Variants in SCAF8 observed in about 807,000 individuals in gnomAD.
SCAF8 encodes SR-related and CTD-associated factor 8.
A neutral mutation model predicts 140.5 loss-of-function variants in SCAF8; 23 were observed. The ratio of observed to expected loss-of-function variants is 0.16; its 90% CI spans 0.12 to 0.23. The LOEUF is 0.23. SCAF8 is among the 10% of genes least tolerant of loss of function. SCAF8 has a pLI of 1.00. For missense variants in SCAF8, 1,397 were observed against 1,555.7 expected (o/e 0.90, Z 1.72); for synonymous variants, 575 against 528.9 (o/e 1.09, Z -1.20).
intron 4 of SCAF8, among the ~76,000 whole-genome samples, chr6:154,789,266 A>T (rs1777342566): frequency 6.7e-6 from 1 of 149,290 alleles, no homozygotes; most frequent in Non-Finnish European, 1.5e-5. Flanking sequence ...CCGCCACCAC[A>T]CTCGGCTAAT....
intron 1 of SCAF8, among the ~76,000 whole-genome samples, chr6:154,767,163 C>G (rs1776599399): frequency 6.6e-6 from 1 of 152,100 alleles, no homozygotes; most frequent in South Asian, 2.1e-4. Context: ...ATTTTTCTTG[C>G]CCAGGCCTTC....
rs189166718 is a variant in SCAF8, at chr6:154,797,406, T to C, written c.606+2267T>C. Among the ~76,000 whole-genome samples, 28 of 151,614 alleles carry C rather than the reference T, an allele frequency of 1.8e-4. No homozygotes were observed. The East Asian group carries it at 3.5e-3, about 19-fold the overall frequency. On this transcript the variant is annotated intron_variant, in intron 6 of 19. Coordinates refer to ENST00000367178, the MANE Select transcript of SCAF8 (RefSeq NM_014892.5). ...ATTAATCTTTATCAGTGATTTTTTT[T>C]TTCTTTTGAGACGGAGTCTCGCTGT...
chr6:154,733,728 G>T lies in SCAF8; in HGVS notation c.-173G>T. ...CCGGTGCCGCTCTGCCGCTGAGGGA[G>T]CCCTTCCCCGCCAGCGCGTGCCCTT... On this transcript the variant is annotated 5_prime_UTR_variant, in exon 1 of 20. Transcript: ENST00000367178. The T allele has an allele frequency of 7.5e-7, 1 of 1,325,940 alleles. No individual in the cohort carries two copies. Among genetic ancestry groups the T allele is most frequent in the South Asian group, 2.0e-5 (1 of 49,778 alleles). 82.1% of individuals were successfully genotyped at this position (1,325,940 alleles called of 1,614,324 possible).
intron 6 of SCAF8, among the ~76,000 whole-genome samples, chr6:154,799,229 C>T (rs925530349): frequency 5.3e-5 from 8 of 151,134 alleles, no homozygotes; most frequent in African/African-American, 1.9e-4. Context: ...CCCCCCACGT[C>T]AGCCTCCCAA....
intron 1 of SCAF8, among the ~76,000 whole-genome samples, chr6:154,747,894 T>TTC (rs1378805967): frequency 5.5e-5 from 6 of 109,890 alleles, no homozygotes; most frequent in Admixed American, 9.8e-5. Flanking sequence ...TACATTTCAT[T>TTC]TCTGTGTGTG....
intron 1 of SCAF8, among the ~76,000 whole-genome samples, chr6:154,759,720 A>C (rs1271563353): frequency 6.9e-6 from 1 of 144,754 alleles, no homozygotes; most frequent in East Asian, 2.1e-4. Flanking sequence ...GGCTGGAGTG[A>C]AGTGGTGCGA....
intron 6 of SCAF8, 122 bp from the exon 7 acceptor site, chr6:154,801,849 A>G (rs1353522430): frequency 4.9e-6 from 3 of 607,712 alleles, no homozygotes; most frequent in Non-Finnish European, 8.6e-6. Flanking sequence ...ACTTATTAAT[A>G]GTGTGTATTT....
Position 154,802,025 on chromosome 6 carries a change from A to G in SCAF8, c.661A>G (p.Ile221Val), listed in dbSNP as rs752927730. The change falls in exon 7 of 20, where the codon ATT becomes GTT. Residue 221 changes from isoleucine (I) to valine (V), a missense_variant. Physicochemically the swap from Ile to Val is conservative, Grantham distance 29. Coordinates refer to ENST00000367178, the MANE Select transcript of SCAF8 (RefSeq NM_014892.5). ...ACAACAACAGAAGCCCCAGCCTTCC[A>G]TTCTGCAGGCCCTAGATGCTGGTCT... The part of the protein sequence containing the change: ...QIQQQKPQPS[I>V]LQALDAGLVV... 6 of 1,611,634 alleles carry G rather than the reference A, an allele frequency of 3.7e-6. No individual in the cohort carries two copies. Among genetic ancestry groups the G allele is most frequent in the Non-Finnish European group, 4.2e-6 (5 of 1,178,692 alleles).
intron 11 of SCAF8, 47 bp downstream of exon 11, chr6:154,808,845 T>C (rs1778003733): frequency 7.9e-7 from 1 of 1,266,156 alleles, no homozygotes; most frequent in Non-Finnish European, 1.1e-6. Flanking sequence ...CTTTAAAATG[T>C]TGGCTTTATT....
intron 1 of SCAF8, among the ~76,000 whole-genome samples, chr6:154,770,536 A>G (rs761677771): frequency 6.6e-6 from 1 of 151,774 alleles, no homozygotes; most frequent in Non-Finnish European, 1.5e-5. Flanking sequence ...ATGCCACTGT[A>G]CCACTCCAGC....
chr6:154,796,355 C>CCCTCTCTCTCTCTCTG (rs774665105), intron 6 of SCAF8, among the ~76,000 whole-genome samples: 1 of 86,596 alleles, frequency 1.2e-5, no homozygotes, highest in Admixed American at 1.1e-4. Flanking sequence ...CAATCCTGTT[C>CCCTCTCTCTCTCTCTG]TCTCTCTCTC....
At chr6:154,763,033 C>T (rs976761130) in intron 1 of SCAF8, among the ~76,000 whole-genome samples, 1 of 151,996 alleles carries the variant, frequency 6.6e-6, no homozygotes, top group African/African-American at 2.4e-5. Context: ...AAGTGTTTTC[C>T]TCCTTGGTTG....
intron 3 of SCAF8, among the ~76,000 whole-genome samples, chr6:154,779,727 C>T (rs1777026578): frequency 6.6e-6 from 1 of 151,510 alleles, no homozygotes; most frequent in African/African-American, 2.4e-5. Context: ...ATCAGAGATC[C>T]AGCAACAGAT....
rs1288579215 is a variant in SCAF8, at chr6:154,834,142, A to G, written c.*747A>G. 2 of 152,150 alleles carry G rather than the reference A, an allele frequency of 1.3e-5. No individual in the cohort carries two copies. Among genetic ancestry groups the G allele is most frequent in the Non-Finnish European group, 2.9e-5 (2 of 68,012 alleles). The allele number at this position is 152,150 out of a possible 1,614,324, so 9.4% of individuals were successfully genotyped here. The stretch of plus-strand genomic sequence containing the variant: ...TATTAGCATGTGCTTATTTTTTGCA[A>G]AAGCTTTCTATCATAACAACAATGA... On this transcript the variant is annotated 3_prime_UTR_variant, in exon 20 of 20. Coordinates refer to ENST00000367178, the MANE Select transcript of SCAF8 (RefSeq NM_014892.5).
chr6:154,792,548 A>C (rs1777454387), intron 4 of SCAF8, among the ~76,000 whole-genome samples: 1 of 152,192 alleles, frequency 6.6e-6, no homozygotes. Context: ...ATATCATTAG[A>C]AGTGACATAA....
intron 2 of SCAF8, 23 bp downstream of exon 2, chr6:154,774,095 C>A: frequency 6.8e-7 from 1 of 1,468,330 alleles, no homozygotes; most frequent in Non-Finnish European, 9.5e-7. Context: ...TTTTACTCTT[C>A]TATTTTCAAA....
chr6:154,793,975 G>A (rs1204251840), intron 5 of SCAF8, among the ~76,000 whole-genome samples: 1 of 151,926 alleles, frequency 6.6e-6, no homozygotes, highest in Admixed American at 6.6e-5. Context: ...AGGCGGGTGT[G>A]CAGTGGTGTG....
intron 1 of SCAF8, among the ~76,000 whole-genome samples, chr6:154,749,530 A>G (rs1241152204): frequency 6.6e-6 from 1 of 152,190 alleles, no homozygotes; most frequent in East Asian, 1.9e-4. Context: ...ATGAAAAGTA[A>G]TATGAGGAGC....
intron 2 of SCAF8, among the ~76,000 whole-genome samples, chr6:154,775,141 G>C (rs1776880279): frequency 6.6e-6 from 1 of 152,168 alleles, no homozygotes; most frequent in African/African-American, 2.4e-5. Flanking sequence ...AAATTCAGAT[G>C]ATTCGTTGAT....
Sources: allele counts gnomAD v4.1 joint callset (sites outside exome capture counted in the v4.1 genomes callset), GRCh38; gene constraint gnomAD v4.1.1; transcripts MANE v1.5; gene names NCBI Gene and HGNC (gene_info 2026-07-23, HGNC 2026-07-21).